Variants in PCCA observed in about 807,000 individuals in gnomAD.
PCCA encodes the protein propionyl-CoA carboxylase alpha chain, mitochondrial.
PCCA carries 74 observed loss-of-function variants against 101.3 expected under a neutral mutation model. That is an observed-to-expected ratio of 0.73 (90% confidence interval 0.61 to 0.89). The LOEUF (loss-of-function observed/expected upper bound fraction) is 0.89. Ranked by LOEUF, PCCA falls within the 40% of genes least tolerant of loss-of-function variation. The probability of loss-of-function intolerance (pLI) is 0.00; values close to 1 mark genes in which losing one functional copy is unlikely to be tolerated. For missense variants in PCCA, 891 were observed against 907.0 expected, an observed-to-expected ratio of 0.98 and a Z score of 0.23; for synonymous variants, 294 against 313.6, an observed-to-expected ratio of 0.94 and a Z score of 0.66.
chr13:100,451,506 G>T (rs1341572750), intron 21 of PCCA, among the ~76,000 whole-genome samples: 1 of 152,142 alleles, frequency 6.6e-6, no homozygotes, highest in African/African-American at 2.4e-5. Flanking sequence ...TCACTCCTCA[G>T]TGTTCGTGCT....
rs375023695 is a variant in PCCA at position 100,282,504 on chromosome 13, C to T, written c.1065+9158C>T. On this transcript the variant is annotated intron_variant, in intron 12 of 23. Coordinates refer to ENST00000376285, the MANE Select transcript of PCCA (RefSeq NM_000282.4). ...GGCACTTGCGGGCCAGCTGGAGTTC[C>T]AGGTGGGCGTGGGCTTGGCGGGCCC... is the stretch of plus-strand genomic sequence containing the variant. Among the ~76,000 whole-genome samples, 152 of 152,304 alleles carry T rather than the reference C, an allele frequency of 1.0e-3. 4 individuals carry two copies. The South Asian group carries it at 0.028, about 28-fold the overall frequency.
At chr13:100,151,508 C>T (rs1271654220) in intron 4 of PCCA, among the ~76,000 whole-genome samples, 2 of 151,952 alleles carry the variant, frequency 1.3e-5, no homozygotes, top group African/African-American at 4.8e-5. Flanking sequence ...AGGAGAATCG[C>T]TTGAACCTGG....
chr13:100,217,457 T>A (rs2059583432), intron 7 of PCCA, among the ~76,000 whole-genome samples: 1 of 145,626 alleles, frequency 6.9e-6, no homozygotes, highest in African/African-American at 2.5e-5. Flanking sequence ...AAAAAAAAAA[T>A]TAAATAGAAA....
Position 100,341,033 on chromosome 13 carries a change from T to G in PCCA, c.1643+774T>G, listed in dbSNP as rs187205322. Among the ~76,000 whole-genome samples the G allele has an allele frequency of 1.1e-4, 16 of 152,334 alleles. 1 individual carries two copies. The highest frequency in any genetic ancestry group is 3.6e-4 in the African/African-American group (15 of 41,582). ...GAATTAGGTAGAGGAGAAACTAAAT[T>G]GGATTTAGGCTGTATCTTAGTGGCT... On this transcript the variant is annotated intron_variant, in intron 18 of 23. Coordinates refer to ENST00000376285, the MANE Select transcript of PCCA (RefSeq NM_000282.4).
At position 100,232,359 on chromosome 13, in the gene PCCA, T is replaced by C. The variant is rs1000177961; in HGVS notation, c.601-3483T>C. ...ATGTGTGTGTGTGTATGCGTGTGTG[T>C]GTGTGTGTGTGTGTGTGTGTGTGTG... On this transcript the variant is annotated intron_variant, in intron 7 of 23. Coordinates refer to ENST00000376285, the MANE Select transcript of PCCA (RefSeq NM_000282.4). Among the ~76,000 whole-genome samples, 189 of 147,208 alleles carry C rather than the reference T, an allele frequency of 1.3e-3. 1 individual carries two copies. The highest frequency in any genetic ancestry group is 4.6e-3 in the African/African-American group (178 of 38,382).
intron 20 of PCCA, among the ~76,000 whole-genome samples, chr13:100,448,817 C>A (rs559737332): frequency 6.6e-6 from 1 of 152,282 alleles, no homozygotes; most frequent in South Asian, 2.1e-4. Context: ...CCATACAATT[C>A]ACCCATTTAA....
intron 17 of PCCA, among the ~76,000 whole-genome samples, chr13:100,332,310 T>A (rs532393503): frequency 1.3e-5 from 2 of 152,302 alleles, no homozygotes; most frequent in African/African-American, 4.8e-5. Flanking sequence ...ATCCTAACAT[T>A]TAGTTTCTTG....
intron 19 of PCCA, among the ~76,000 whole-genome samples, chr13:100,412,815 A>G (rs547832149): frequency 6.6e-6 from 1 of 152,272 alleles, no homozygotes; most frequent in Admixed American, 6.5e-5. Context: ...AAGAAATTGG[A>G]CAAACCATGA....
At chr13:100,203,273 CAAA>C (rs998482300) in intron 6 of PCCA, among the ~76,000 whole-genome samples, 1 of 64,228 alleles carries the variant, frequency 1.6e-5, no homozygotes. Flanking sequence ...GACTCCGTCT[CAAA>C]AAAAAAAAAA....
At chr13:100,206,461 T>C (rs1034848083) in intron 6 of PCCA, among the ~76,000 whole-genome samples, 1 of 152,136 alleles carries the variant, frequency 6.6e-6, no homozygotes, top group African/African-American at 2.4e-5. Flanking sequence ...GAGGCCACTA[T>C]GTTGGTCAGG....
chr13:100,348,283 A>T (rs1358147360), intron 18 of PCCA, among the ~76,000 whole-genome samples: 2 of 152,194 alleles, frequency 1.3e-5, no homozygotes, highest in Non-Finnish European at 2.9e-5. Flanking sequence ...GACTTGGAAA[A>T]ACACATTAAT....
chr13:100,305,470 T>C (rs2066374604), intron 14 of PCCA, among the ~76,000 whole-genome samples: 1 of 152,216 alleles, frequency 6.6e-6, no homozygotes, highest in African/African-American at 2.4e-5. Context: ...GCAGTTTATG[T>C]AGCAAATGAT....
chr13:100,118,592 C>G (rs544384495), intron 4 of PCCA, among the ~76,000 whole-genome samples: 19 of 152,092 alleles, frequency 1.2e-4, no homozygotes, highest in Admixed American at 2.0e-4. Flanking sequence ...CTCAGTTGCC[C>G]GGGCTGGAGT....
intron 8 of PCCA, among the ~76,000 whole-genome samples, chr13:100,239,904 A>C (rs1184133130): frequency 6.6e-6 from 1 of 152,044 alleles, no homozygotes; most frequent in African/African-American, 2.4e-5. Context: ...AATCTCAATA[A>C]ATGTCACCCC....
At chr13:100,325,791 G>A (rs749383997) in intron 16 of PCCA, among the ~76,000 whole-genome samples, 1 of 152,148 alleles carries the variant, frequency 6.6e-6, no homozygotes, top group Non-Finnish European at 1.5e-5. Flanking sequence ...TGACTCCATT[G>A]ATGCTTTGTC....
At chr13:100,407,213 A>G (rs2077739328) in intron 19 of PCCA, among the ~76,000 whole-genome samples, 1 of 152,216 alleles carries the variant, frequency 6.6e-6, no homozygotes, top group South Asian at 2.1e-4. Flanking sequence ...AATATAACCT[A>G]AAGAAGATTG....
At chr13:100,185,885 G>A (rs1333654288) in intron 6 of PCCA, among the ~76,000 whole-genome samples, 1 of 152,050 alleles carries the variant, frequency 6.6e-6, no homozygotes, top group Non-Finnish European at 1.5e-5. Context: ...GACCTCAGGC[G>A]ATCCACCCGC....
In PCCA at chr13:100,235,824, C is replaced by T. The variant is rs745752342; in HGVS notation, c.601-18C>T. 6.3e-7 allele frequency: 1 copy of T among 1,591,110 alleles called. No homozygotes were observed. Among genetic ancestry groups the T allele is most frequent in the East Asian group, 2.2e-5 (1 of 44,702 alleles). Reference sequence around the variant, plus strand: ...GCCTCATGGGATTAATGTTGAGTCTCATTTCCTGCTTTTACAGGATGCAGA... The same window carrying T: ...GCCTCATGGGATTAATGTTGAGTCTTATTTCCTGCTTTTACAGGATGCAGA... On this transcript the variant is annotated intron_variant, in intron 7 of 23. Transcript: ENST00000376285.
chr13:100,268,101 G>T (rs950180959), intron 10 of PCCA, among the ~76,000 whole-genome samples: 1 of 152,104 alleles, frequency 6.6e-6, no homozygotes, highest in African/African-American at 2.4e-5. Flanking sequence ...AAAAATTTCA[G>T]CTTTTGGAGC....
Sources: allele counts gnomAD v4.1 joint callset (sites outside exome capture counted in the v4.1 genomes callset), GRCh38; gene constraint gnomAD v4.1.1; transcripts MANE v1.5; gene names NCBI Gene and HGNC (gene_info 2026-07-23, HGNC 2026-07-21).